FOCAD: variants seen among roughly 807,000 people sequenced by gnomAD.
FOCAD encodes the protein focadhesin.
A neutral mutation model predicts 225.6 loss-of-function variants in FOCAD; 198 were observed. The ratio of observed to expected loss-of-function variants is 0.88; its 90% CI spans 0.78 to 0.99. The LOEUF (loss-of-function observed/expected upper bound fraction) is 0.99. Among genes scored for constraint, FOCAD ranks in the 50% least tolerant of loss-of-function variants. The probability of loss-of-function intolerance (pLI) is 0.00; values close to 1 mark genes in which losing one functional copy is unlikely to be tolerated. For missense variants in FOCAD, 2,713 were observed against 2,123.6 expected, an observed-to-expected ratio of 1.28 and a Z score of -5.46; for synonymous variants, 897 against 755.0, an observed-to-expected ratio of 1.19 and a Z score of -3.08.
intron 8 of FOCAD, among the ~76,000 whole-genome samples, 176 bp from the exon 9 acceptor site, chr9:20,778,505 C>G (rs1819024140): frequency 1.3e-5 from 2 of 152,226 alleles, no homozygotes; most frequent in African/African-American, 4.8e-5. Flanking sequence ...CAGGCGTGAG[C>G]TGCCACGCCC....
intron 21 of FOCAD, among the ~76,000 whole-genome samples, chr9:20,888,977 G>A (rs1054335093): frequency 6.6e-6 from 1 of 152,164 alleles, no homozygotes; most frequent in African/African-American, 2.4e-5. Context: ...CTGATACAAG[G>A]TGTGATACAT....
chr9:20,829,756 C>T (rs1009336591), intron 15 of FOCAD, among the ~76,000 whole-genome samples: 2 of 152,062 alleles, frequency 1.3e-5, no homozygotes, highest in African/African-American at 4.8e-5. Flanking sequence ...CTCTTCTTTG[C>T]TACTTTGTTC....
intron 1 of FOCAD, among the ~76,000 whole-genome samples, chr9:20,709,880 A>G: frequency 6.6e-6 from 1 of 152,222 alleles, no homozygotes; most frequent in African/African-American, 2.4e-5. Flanking sequence ...ATCTGTACTT[A>G]GGTAATTTAG....
At chr9:20,757,522 C>T (rs186950738) in intron 5 of FOCAD, among the ~76,000 whole-genome samples, 13 of 152,260 alleles carry the variant, frequency 8.5e-5, no homozygotes, top group Admixed American at 7.8e-4. Flanking sequence ...AAATTTTATG[C>T]ATCTTCAGTT....
chr9:20,937,585 G>T (rs552988266), intron 28 of FOCAD, among the ~76,000 whole-genome samples: 2 of 152,122 alleles, frequency 1.3e-5, no homozygotes, highest in East Asian at 3.9e-4. Flanking sequence ...AATTCAAGAT[G>T]GATTAAAGAC....
intron 33 of FOCAD, among the ~76,000 whole-genome samples, chr9:20,950,773 A>C (rs1837612680): frequency 6.6e-6 from 1 of 152,194 alleles, no homozygotes; most frequent in African/African-American, 2.4e-5. Context: ...GCCATGATTA[A>C]ATGATTGATT....
intron 8 of FOCAD, among the ~76,000 whole-genome samples, chr9:20,773,308 A>C (rs943565064): frequency 6.6e-6 from 1 of 152,238 alleles, no homozygotes; most frequent in African/African-American, 2.4e-5. Context: ...GTTTTAGTCA[A>C]ATGGTTCAAA....
chr9:20,822,887 A>G (rs1000206683), intron 14 of FOCAD, 102 bp from the exon 15 acceptor site: 3 of 1,115,234 alleles, frequency 2.7e-6, no homozygotes, highest in Admixed American at 3.5e-5. Context: ...TAGTGGCACA[A>G]GAGTATAGAA....
At chr9:20,854,970 A>G (rs150677204) in intron 15 of FOCAD, among the ~76,000 whole-genome samples, 1 of 151,976 alleles carries the variant, frequency 6.6e-6, no homozygotes, top group Non-Finnish European at 1.5e-5. Context: ...TAATTTTCAC[A>G]GAATTAAATT....
At chr9:20,888,142 T>C (rs7021545) in intron 21 of FOCAD, among the ~76,000 whole-genome samples, 24,005 of 136,422 alleles carry the variant, frequency 0.18, 1,692 homozygotes, top group South Asian at 0.3. Flanking sequence ...TTTTCTTCTT[T>C]TTTTTTTTTT....
At chr9:20,977,860 C>T (rs1364902998) in intron 36 of FOCAD, among the ~76,000 whole-genome samples, 2 of 152,144 alleles carry the variant, frequency 1.3e-5, no homozygotes, top group Non-Finnish European at 2.9e-5. Flanking sequence ...GTTTGTGTTT[C>T]ATTTAAGTCC....
intron 21 of FOCAD, among the ~76,000 whole-genome samples, chr9:20,892,893 C>G (rs973319107): frequency 2.6e-5 from 4 of 152,140 alleles, no homozygotes; most frequent in African/African-American, 9.7e-5. Flanking sequence ...GCCATCCCAA[C>G]ATTCATCAGC....
chr9:20,968,948 C>T (rs931200717), intron 35 of FOCAD, among the ~76,000 whole-genome samples: 1 of 152,060 alleles, frequency 6.6e-6, no homozygotes, highest in East Asian at 1.9e-4. Context: ...TGTGCAATTC[C>T]ATAAATTTTG....
chr9:20,982,257 C>A, intron 38 of FOCAD, 100 bp from the exon 39 acceptor site: 2 of 742,820 alleles, frequency 2.7e-6, no homozygotes, highest in Non-Finnish European at 4.3e-6. Context: ...ATCTCATCAG[C>A]TGCTGTTCAT....
At chr9:20,778,555 A>G (rs1452095390) in intron 8 of FOCAD, 126 bp from the exon 9 acceptor site, 2 of 575,606 alleles carry the variant, frequency 3.5e-6, no homozygotes, top group Non-Finnish European at 6.2e-6. Context: ...CACTTGCTGT[A>G]TAAATAAATT....
In FOCAD at chr9:20,924,904, A is replaced by C. The variant is rs572267080; in HGVS notation, c.2961+1136A>C. On this transcript the variant is annotated intron_variant, in intron 25 of 43. Transcript: ENST00000338382. The stretch of plus-strand genomic sequence containing the variant: ...ATTATCCTCATGTCACTTAAAATTC[A>C]GAGTCCTTTGGGTCCTAGGCCTACC... 5.3e-5 allele frequency among the ~76,000 whole-genome samples: 8 copies of C among 152,308 alleles called. No homozygotes were observed. In the South Asian group the frequency reaches 1.7e-3, roughly 32 times the overall value.
chr9:20,741,013 G>A (rs1827571106), intron 5 of FOCAD, among the ~76,000 whole-genome samples: 1 of 152,152 alleles, frequency 6.6e-6, no homozygotes, highest in African/African-American at 2.4e-5. Flanking sequence ...GGACCCAGAA[G>A]ATGCATGTGA....
intron 35 of FOCAD, among the ~76,000 whole-genome samples, chr9:20,959,035 C>T (rs1564205133): frequency 6.6e-6 from 1 of 152,098 alleles, no homozygotes; most frequent in African/African-American, 2.4e-5. Flanking sequence ...GATTTCCTTT[C>T]CTTTGGATAC....
At chr9:20,772,584 G>A (rs1024600926) in intron 8 of FOCAD, among the ~76,000 whole-genome samples, 2 of 152,172 alleles carry the variant, frequency 1.3e-5, no homozygotes, top group Non-Finnish European at 2.9e-5. Flanking sequence ...GAGCGATGAT[G>A]TAAAAGTAAG....
Sources: allele counts gnomAD v4.1 joint callset (sites outside exome capture counted in the v4.1 genomes callset), GRCh38; gene constraint gnomAD v4.1.1; transcripts MANE v1.5; gene names NCBI Gene and HGNC (gene_info 2026-07-23, HGNC 2026-07-21).